The following MICU3 variants were observed in gnomAD, a reference collection of about 807,000 sequenced individuals.
The protein encoded by MICU3 is mitochondrial calcium uptake 3, also known as calcium uptake protein 3, mitochondrial.
MICU3 carries 62 observed loss-of-function variants against 66.5 expected under a neutral mutation model. The ratio of observed to expected loss-of-function variants is 0.93; its 90% CI spans 0.76 to 1.15. The LOEUF is 1.15. Among genes scored for constraint, MICU3 ranks in the 50% most tolerant of loss-of-function variants. The pLI, the probability that MICU3 is intolerant of heterozygous loss-of-function variation, is 0.00. For missense variants in MICU3, 779 were observed against 664.4 expected (o/e 1.17, Z -1.90); for synonymous variants, 308 against 240.7 (o/e 1.28, Z -2.59).
In MICU3 at chr8:17,046,653, T is replaced by C. The variant is rs549422466; in HGVS notation, c.382-17431T>C. Among the ~76,000 whole-genome samples the C allele has an allele frequency of 1.1e-4, 16 of 152,204 alleles. No homozygotes were observed. The South Asian group carries it at 3.1e-3, about 30-fold the overall frequency. On this transcript the variant is annotated intron_variant, in intron 1 of 14. Coordinates refer to ENST00000318063, the MANE Select transcript of MICU3 (RefSeq NM_181723.3). ...CATGGAATTCTAGGCACTTGGACTT[T>C]AGTGCTCATGTGGGGACAGAAAACT...
rs145660731 is a variant in MICU3 at position 17,065,020 on chromosome 8, G to C, written c.535+783G>C. ...TGGCACTAGGGACCAGGTTTGAGGAGAAAAATCACAATTTCAATTTTGGTC... is the reference window on the plus strand; with the variant it reads ...TGGCACTAGGGACCAGGTTTGAGGACAAAAATCACAATTTCAATTTTGGTC... On this transcript the variant is annotated intron_variant, in intron 2 of 14. Transcript: ENST00000318063. Among the ~76,000 whole-genome samples, 793 of 152,158 alleles carry C rather than the reference G, an allele frequency of 5.2e-3. 7 individuals carry two copies. Among genetic ancestry groups the C allele is most frequent in the African/African-American group, 0.018 (757 of 41,530 alleles).
intron 2 of MICU3, among the ~76,000 whole-genome samples, chr8:17,066,328 G>A (rs555318374): frequency 2.0e-5 from 3 of 151,578 alleles, no homozygotes; most frequent in East Asian, 1.9e-4. Context: ...GGAAACTTAC[G>A]ATATTATAAG....
At chr8:17,069,807 AT>A in intron 3 of MICU3, 88 bp downstream of exon 3, 1 of 440,456 alleles carries the variant, frequency 2.3e-6, no homozygotes, top group Non-Finnish European at 3.6e-6. Context: ...CATAAAATAT[AT>A]TATGTATTTT....
chr8:17,073,648 G>T (rs968828048), intron 3 of MICU3, among the ~76,000 whole-genome samples: 1 of 152,076 alleles, frequency 6.6e-6, no homozygotes, highest in African/African-American at 2.4e-5. Flanking sequence ...TGGAAAAATT[G>T]TCTTCCAAGA....
At chr8:17,127,824 C>G in the MICU3 span, among the ~76,000 whole-genome samples, 4 of 152,086 alleles carry the variant, frequency 2.6e-5, no homozygotes, top group Admixed American at 6.6e-5. Context: ...ACAATGTACA[C>G]TGAACCATTT....
intron 1 of MICU3, among the ~76,000 whole-genome samples, chr8:17,032,371 CT>C (rs199755033): frequency 1.4e-4 from 21 of 149,996 alleles, no homozygotes; most frequent in Admixed American, 9.3e-4. Flanking sequence ...CTAGAACTGC[CT>C]TTTTTTTTCA....
chr8:17,113,898 CA>C (rs1470141030), intron 11 of MICU3, among the ~76,000 whole-genome samples, 194 bp from the exon 12 acceptor site: 1 of 152,098 alleles, frequency 6.6e-6, no homozygotes, highest in Non-Finnish European at 1.5e-5. Flanking sequence ...TAATAGCAGG[CA>C]GCACTACCCA....
intron 8 of MICU3, among the ~76,000 whole-genome samples, chr8:17,093,008 G>A (rs928048342): frequency 3.9e-5 from 6 of 152,042 alleles, no homozygotes; most frequent in Non-Finnish European, 7.4e-5. Context: ...GGTCTCTGTA[G>A]TGAACTGTTC....
chr8:17,040,734 G>A (rs1813926217), intron 1 of MICU3, among the ~76,000 whole-genome samples: 1 of 152,088 alleles, frequency 6.6e-6, no homozygotes, highest in African/African-American at 2.4e-5. Flanking sequence ...TTTATATAGT[G>A]GCACATGTAA....
At chr8:17,069,872 A>G (rs1819287904) in intron 3 of MICU3, among the ~76,000 whole-genome samples, 153 bp downstream of exon 3, 1 of 151,596 alleles carries the variant, frequency 6.6e-6, no homozygotes. Context: ...TCCTTTTTTT[A>G]TCCTCCAGAT....
At chr8:17,047,901 G>C (rs1715407675) in intron 1 of MICU3, among the ~76,000 whole-genome samples, 1 of 152,156 alleles carries the variant, frequency 6.6e-6, no homozygotes, top group South Asian at 2.1e-4. Flanking sequence ...GTAAAAATGA[G>C]AGCAGTTCTT....
chr8:17,027,369 G>T lies in MICU3; in HGVS notation c.90G>T (p.Arg30=), dbSNP rs568147819. ...AHQPLLGPWG[R]PAVTTLGLPG... ...AGCCCCTCCTTGGGCCGTGGGGGCG[G>T]CCTGCGGTGACCACCCTGGGCCTTC... The change falls in exon 1 of 15, where the codon CGG becomes CGT. Residue 30 remains arginine (R), a synonymous_variant. Transcript: ENST00000318063. The T allele has an allele frequency of 1.3e-6, 2 of 1,494,322 alleles. No individual in the cohort carries two copies. Among genetic ancestry groups the T allele is most frequent in the East Asian group, 2.7e-5 (1 of 37,016 alleles). The allele number at this position is 1,494,322 out of a possible 1,614,324, so 92.6% of individuals were successfully genotyped here.
chr8:17,127,860 C>CAAAAACA, the MICU3 span, among the ~76,000 whole-genome samples: 20,463 of 151,330 alleles, frequency 0.14, 2,509 homozygotes, highest in African/African-American at 0.33. Context: ...TTCTTCCCTT[C>CAAAAACA]AAAAACAAAA....
chr8:17,055,298 A>C (rs1447591791), intron 1 of MICU3, among the ~76,000 whole-genome samples: 1 of 152,164 alleles, frequency 6.6e-6, no homozygotes, highest in African/African-American at 2.4e-5. Flanking sequence ...GTTACCTCCC[A>C]TGAGGCTTTT....
chr8:17,048,910 A>G (rs1815572799), intron 1 of MICU3, among the ~76,000 whole-genome samples: 1 of 152,118 alleles, frequency 6.6e-6, no homozygotes, highest in African/African-American at 2.4e-5. Flanking sequence ...TGAGCAAGGC[A>G]CCCAACCTGT....
intron 3 of MICU3, among the ~76,000 whole-genome samples, chr8:17,070,552 A>G (rs1819405514): frequency 6.6e-6 from 1 of 152,058 alleles, no homozygotes; most frequent in African/African-American, 2.4e-5. Context: ...AAGAGGCTTT[A>G]AAGTACTGCT....
In MICU3 at chr8:17,072,870, A is replaced by G. The variant is rs181035078; in HGVS notation, c.567+3151A>G. Among the ~76,000 whole-genome samples, 25 of 152,248 alleles carry G rather than the reference A, an allele frequency of 1.6e-4. No individual in the cohort carries two copies. In the East Asian group the frequency reaches 4.3e-3, roughly 26 times the overall value. ...GAGAACAAGAAGGAACCAGGTCAGA[A>G]TATAAACTGGTGTATTTACTTTTTA... On this transcript the variant is annotated intron_variant, in intron 3 of 14. Coordinates refer to ENST00000318063, the MANE Select transcript of MICU3 (RefSeq NM_181723.3).
chr8:17,057,307 G>A (rs1055259578), intron 1 of MICU3, among the ~76,000 whole-genome samples: 1 of 152,134 alleles, frequency 6.6e-6, no homozygotes, highest in Non-Finnish European at 1.5e-5. Context: ...AATCAGGGAT[G>A]GGTTGGTTCT....
At chr8:17,045,265 T>C (rs1814877589) in intron 1 of MICU3, among the ~76,000 whole-genome samples, 1 of 152,176 alleles carries the variant, frequency 6.6e-6, no homozygotes, top group East Asian at 1.9e-4. Flanking sequence ...ACTCTCTCTC[T>C]CTTTCTCCTG....
Sources: allele counts gnomAD v4.1 joint callset (sites outside exome capture counted in the v4.1 genomes callset), GRCh38; gene constraint gnomAD v4.1.1; transcripts MANE v1.5; gene names NCBI Gene and HGNC (gene_info 2026-07-23, HGNC 2026-07-21).